CCDC38: variants seen among roughly 807,000 people sequenced by gnomAD.
CCDC38 encodes the protein coiled-coil domain containing 38, also known as coiled-coil domain-containing protein 38.
A neutral mutation model predicts 72.8 loss-of-function variants in CCDC38; 69 were observed. The observed-to-expected ratio is 0.95, with a 90% CI of 0.78 to 1.16. The LOEUF (loss-of-function observed/expected upper bound fraction) is 1.16, where lower values mean the gene tolerates loss of function less well. CCDC38 is among the 50% of genes most tolerant of loss of function. The pLI is 0.00. For missense variants in CCDC38, 626 were observed against 638.9 expected, an observed-to-expected ratio of 0.98 and a Z score of 0.22; for synonymous variants, 201 against 213.2, an observed-to-expected ratio of 0.94 and a Z score of 0.50.
intron 2 of CCDC38, among the ~76,000 whole-genome samples, chr12:95,922,796 C>A (rs968036809): frequency 2.0e-5 from 3 of 152,136 alleles, no homozygotes; most frequent in African/African-American, 7.2e-5. Context: ...GCAAAGCCAA[C>A]AGGCTGAAGA....
intron 8 of CCDC38, among the ~76,000 whole-genome samples, chr12:95,893,015 G>A (rs924831220): frequency 1.3e-5 from 2 of 152,008 alleles, no homozygotes; most frequent in East Asian, 1.9e-4. Flanking sequence ...ATTACCTTCC[G>A]AATTCAAAAG....
intron 13 of CCDC38, among the ~76,000 whole-genome samples, chr12:95,876,092 A>G (rs936342259): frequency 2.0e-5 from 3 of 152,270 alleles, no homozygotes; most frequent in African/African-American, 7.2e-5. Flanking sequence ...TGGTATAAAC[A>G]TACAATGGAA....
chr12:95,867,152 G>C lies in CCDC38; in HGVS notation c.1616C>G (p.Ser539Cys), dbSNP rs1565938381. 2 of 1,608,448 alleles carry C rather than the reference G, an allele frequency of 1.2e-6. No individual in the cohort carries two copies. The highest frequency in any genetic ancestry group is 1.7e-5 in the Admixed American group (1 of 59,656). The change falls in exon 16 of 16, where the codon TCT (serine) becomes TGT (cysteine). Residue 539 changes from serine (S) to cysteine (C), a missense_variant. Physicochemically the swap from Ser to Cys is moderately radical, Grantham distance 112. Transcript: ENST00000344280. ...TAAAGGTAGCTGCTGTTTGTTACCA[G>C]ATGGAGGTTTTGAATGAAAGACAAG... ...RRLVFHSKPPSGNKQQLPLVN... is the reference protein window; with the variant it reads ...RRLVFHSKPPCGNKQQLPLVN...
chr12:95,878,185 A>G (rs779910941), intron 13 of CCDC38, 26 bp downstream of exon 13: 4 of 1,610,216 alleles, frequency 2.5e-6, no homozygotes, highest in South Asian at 1.1e-5. Flanking sequence ...CCAAAATGAA[A>G]TCACCATAGG....
intron 8 of CCDC38, among the ~76,000 whole-genome samples, 194 bp from the exon 9 acceptor site, chr12:95,891,124 T>C (rs1388463542): frequency 1.3e-5 from 2 of 152,164 alleles, no homozygotes; most frequent in African/African-American, 2.4e-5. Context: ...AATATGCAGA[T>C]GGTAATATGC....
chr12:95,933,195 C>A (rs769982075), intron 2 of CCDC38: 1 of 151,940 alleles, frequency 6.6e-6, no homozygotes, highest in Non-Finnish European at 1.5e-5. Flanking sequence ...TTGATAAATT[C>A]AGCTATATTA....
chr12:95,872,563 G>A, intron 13 of CCDC38, 103 bp from the exon 14 acceptor site: 1 of 743,164 alleles, frequency 1.3e-6, no homozygotes, highest in South Asian at 1.8e-5. Flanking sequence ...GCTATTAAAT[G>A]TTTACATTTT....
intron 5 of CCDC38, chr12:95,903,809 C>CA (rs2079974607): frequency 4.8e-6 from 1 of 209,604 alleles, no homozygotes; most frequent in Non-Finnish European, 9.5e-6. Flanking sequence ...AGAATGTTTG[C>CA]ATATTTGCTT....
chr12:95,890,248 A>G (rs1054877132), intron 9 of CCDC38, among the ~76,000 whole-genome samples: 2 of 152,160 alleles, frequency 1.3e-5, no homozygotes, highest in Non-Finnish European at 2.9e-5. Context: ...CCACCAAGCC[A>G]AACAACACCA....
chr12:95,929,666 C>G (rs1273861978), intron 2 of CCDC38, among the ~76,000 whole-genome samples: 1 of 152,180 alleles, frequency 6.6e-6, no homozygotes, highest in African/African-American at 2.4e-5. Context: ...CCTCCAAGTT[C>G]AAAGCTGAGT....
intron 2 of CCDC38, 67 bp downstream of exon 2, chr12:95,936,406 C>A (rs529860747): frequency 1.3e-5 from 19 of 1,428,374 alleles, no homozygotes; most frequent in Non-Finnish European, 1.8e-5. Context: ...TTCTTATGCT[C>A]ACAATCTGTT....
At chr12:95,890,086 A>G (rs2079807407) in intron 9 of CCDC38, among the ~76,000 whole-genome samples, 1 of 151,786 alleles carries the variant, frequency 6.6e-6, no homozygotes, top group Non-Finnish European at 1.5e-5. Flanking sequence ...TAATTTTTGT[A>G]TTTTTGGCAG....
intron 2 of CCDC38, 43 bp from the exon 3 acceptor site, chr12:95,919,019 TCCTCTG>T (rs1179566334): frequency 1.6e-6 from 2 of 1,237,942 alleles, no homozygotes; most frequent in Non-Finnish European, 2.4e-6. Flanking sequence ...CTGTCATCCT[TCCTCTG>T]CTGACCAGAA....
intron 10 of CCDC38, among the ~76,000 whole-genome samples, chr12:95,882,750 A>T (rs1301380380): frequency 6.6e-6 from 1 of 151,548 alleles, no homozygotes. Flanking sequence ...TTTTGGGGAG[A>T]CCTCATCCAT....
In CCDC38 at chr12:95,917,341, T is replaced by C. The variant is rs770889431; in HGVS notation, c.139-47A>G. 8 of 1,443,784 alleles carry C rather than the reference T, an allele frequency of 5.5e-6. No individual in the cohort carries two copies. In the East Asian group the frequency reaches 1.5e-4, roughly 26 times the overall value. The allele number at this position is 1,443,784 out of a possible 1,614,324, so 89.4% of individuals were successfully genotyped here. A position where few individuals can be genotyped will look rare whatever the true frequency, so the allele number is the denominator to read the frequency against. ...AAAGAATTTTTAATATACCAAAGTA[T>C]GTTATCTTAAAATTAGTGATTATAT... On this transcript the variant is annotated intron_variant, in intron 3 of 15. Transcript: ENST00000344280.
At chr12:95,928,168 A>G (rs1272480347) in intron 2 of CCDC38, among the ~76,000 whole-genome samples, 1 of 151,940 alleles carries the variant, frequency 6.6e-6, no homozygotes, top group Non-Finnish European at 1.5e-5. Flanking sequence ...CATCACTTTC[A>G]GGTACACCAA....
intron 2 of CCDC38, among the ~76,000 whole-genome samples, chr12:95,932,230 A>T (rs1592808350): frequency 6.6e-6 from 1 of 152,240 alleles, no homozygotes; most frequent in East Asian, 1.9e-4. Flanking sequence ...GTAAGAGGTA[A>T]TGGGCTCAGA....
At chr12:95,921,338 C>T (rs557767269) in intron 2 of CCDC38, among the ~76,000 whole-genome samples, 1 of 152,188 alleles carries the variant, frequency 6.6e-6, no homozygotes, top group South Asian at 2.1e-4. Context: ...TGTCTATTTT[C>T]ACACTGCTAT....
chr12:95,930,656 C>A (rs2080328000), intron 2 of CCDC38, among the ~76,000 whole-genome samples: 1 of 152,150 alleles, frequency 6.6e-6, no homozygotes, highest in Non-Finnish European at 1.5e-5. Flanking sequence ...TTTTCAGGTT[C>A]TTGGTGGAAA....
Sources: allele counts gnomAD v4.1 joint callset (sites outside exome capture counted in the v4.1 genomes callset), GRCh38; gene constraint gnomAD v4.1.1; transcripts MANE v1.5; gene names NCBI Gene and HGNC (gene_info 2026-07-23, HGNC 2026-07-21).